The following MGAT5B variants were observed in gnomAD, a reference collection of about 807,000 sequenced individuals.
The protein encoded by MGAT5B is N-acetylglucosaminyl-transferase Vb.
In MGAT5B, 54 loss-of-function variants were observed where a neutral mutation model predicts 95.1. The observed-to-expected ratio is 0.57, with a 90% confidence interval of 0.46 to 0.71. The LOEUF (loss-of-function observed/expected upper bound fraction) is 0.71, where lower values mean the gene tolerates loss of function less well. Among genes scored for constraint, MGAT5B ranks in the 30% least tolerant of loss-of-function variants. MGAT5B has a pLI of 0.00. For synonymous variants in MGAT5B, 464 were observed against 451.0 expected, an observed-to-expected ratio of 1.03 and a Z score of -0.36; for missense variants, 935 against 1,088.6, an observed-to-expected ratio of 0.86 and a Z score of 1.99.
At chr17:76,904,542 C>G in intron 6 of MGAT5B, 120 bp downstream of exon 6, 14 of 1,181,716 alleles carry the variant, frequency 1.2e-5, no homozygotes, top group South Asian at 3.2e-5. Context: ...GGTGTGTGGG[C>G]AGGTCCGAGC....
chr17:76,884,256 GAGA>G (rs1302166126), intron 3 of MGAT5B, among the ~76,000 whole-genome samples: 1 of 152,208 alleles, frequency 6.6e-6, no homozygotes, highest in Admixed American at 6.5e-5. Flanking sequence ...CTGAGGCACA[GAGA>G]AGTTCAGAAA....
intron 3 of MGAT5B, among the ~76,000 whole-genome samples, chr17:76,890,961 C>CTTTT (rs150133278): frequency 9.0e-6 from 1 of 111,646 alleles, no homozygotes; most frequent in Non-Finnish European, 1.7e-5. Flanking sequence ...CTCTGGGGGC[C>CTTTT]TTTTTTTTTT....
In MGAT5B at chr17:76,926,685, T is replaced by A; in HGVS notation, c.1246T>A (p.Trp416Arg). Residue 416 changes from tryptophan to arginine, a missense_variant, in exon 10 of 18, where the codon TGG (tryptophan) becomes AGG (arginine). By Grantham distance (101) the Trp-to-Arg change is moderately radical (BLOSUM62 -3). Around this residue, in one of 4 missense-constraint regions of MGAT5B, gnomAD observed 440 missense variants for 523.6 expected, o/e 0.84. Transcript: ENST00000569840. ...CACGCTGCACGGCTACCGGACCAAC[T>A]GGGGCTACTGGAACCTCAACCCCAA... Reference protein sequence around the residue: ...YATLHGYRTNWGYWNLNPKQF... With the variant: ...YATLHGYRTNRGYWNLNPKQF... 6.2e-7 allele frequency: 1 copy of A among 1,612,732 alleles called. No individual in the cohort carries two copies. The highest frequency in any genetic ancestry group is 1.1e-5 in the South Asian group (1 of 91,080).
chr17:76,942,160 T>C (rs919819764), intron 15 of MGAT5B, among the ~76,000 whole-genome samples: 1 of 152,228 alleles, frequency 6.6e-6, no homozygotes, highest in Non-Finnish European at 1.5e-5. Context: ...AAAAGCTCCC[T>C]TGCTAGCTCT....
At position 76,887,453 on chromosome 17, in the gene MGAT5B, TCCTC is replaced by T. The variant is rs1229971366; in HGVS notation, c.329+5171_329+5174del. On this transcript the variant is annotated intron_variant, in intron 3 of 17. Coordinates refer to ENST00000569840, the MANE Select transcript of MGAT5B (RefSeq NM_001199172.2). ...TCTTTCCCTCCCTCCCTCCCTTCCT[TCCTC>T]CCTCCCTCCCTCCCTTCCTCCCTCC... 2.0e-4 allele frequency among the ~76,000 whole-genome samples: 9 copies of T among 44,588 alleles called. No individual in the cohort carries two copies. The East Asian group carries it at 3.4e-3, about 17-fold the overall frequency. 29.3% of individuals were successfully genotyped at this position (44,588 alleles called of 152,430 possible).
intron 8 of MGAT5B, among the ~76,000 whole-genome samples, chr17:76,920,562 T>G (rs952799463): frequency 2.0e-5 from 3 of 152,178 alleles, no homozygotes; most frequent in Non-Finnish European, 4.4e-5. Flanking sequence ...GAGGCTCAGA[T>G]TTCTTCTGAT....
rs1967778608 is a variant in MGAT5B at position 76,889,170 on chromosome 17, T to C, written c.329+6872T>C. Among the ~76,000 whole-genome samples the C allele has an allele frequency of 6.6e-6, 1 of 152,218 alleles. No individual in the cohort carries two copies. The highest frequency in any genetic ancestry group is 6.5e-5 in the Admixed American group (1 of 15,282). The stretch of plus-strand genomic sequence containing the variant: ...CTGTTTTGCAGATGCAGTGAGAAGA[T>C]GCAGGGCTGGCGCAGGGGCAGTGTC... On this transcript the variant is annotated intron_variant, in intron 3 of 17. Coordinates refer to ENST00000569840, the MANE Select transcript of MGAT5B (RefSeq NM_001199172.2). The surrounding 1 kb of genome is among the most constrained non-coding windows in gnomAD (Gnocchi z 4.4).
Position 76,949,056 on chromosome 17 carries a change from C to T in MGAT5B, c.*218C>T, listed in dbSNP as rs1411352420. The T allele has an allele frequency of 1.6e-6, 1 of 606,640 alleles. No homozygotes were observed. Among genetic ancestry groups the T allele is most frequent in the Non-Finnish European group, 2.8e-6 (1 of 352,450 alleles). The allele number at this position is 606,640 out of a possible 1,614,324, so 37.6% of individuals were successfully genotyped here. A position where few individuals can be genotyped will look rare whatever the true frequency, so the allele number is the denominator to read the frequency against. On this transcript the variant is annotated 3_prime_UTR_variant, in exon 18 of 18. Transcript: ENST00000569840. ...GGGACCTCCCAGGCAGGCTCCGGTT[C>T]TCTCCTGGGGACTCACAGAAGCATC...
chr17:76,903,400 G>T, intron 5 of MGAT5B, 24 bp downstream of exon 5: 1 of 1,596,262 alleles, frequency 6.3e-7, no homozygotes, highest in Non-Finnish European at 8.6e-7. Context: ...CTGAGGGGTG[G>T]GGATGTCTAC....
intron 12 of MGAT5B, among the ~76,000 whole-genome samples, chr17:76,933,499 C>T (rs1317367125): frequency 1.3e-5 from 2 of 152,142 alleles, no homozygotes; most frequent in Non-Finnish European, 2.9e-5. Context: ...TCCTCTGTCA[C>T]AGGGAGGCAA....
Position 76,918,068 on chromosome 17 carries a change from G to GCC in MGAT5B, c.1026-6898_1026-6897insCC, listed in dbSNP as rs1968998919. Among the ~76,000 whole-genome samples the GCC allele has an allele frequency of 1.3e-5, 2 of 152,180 alleles. No homozygotes were observed. Among genetic ancestry groups the GCC allele is most frequent in the Non-Finnish European group, 2.9e-5 (2 of 68,034 alleles). On this transcript the variant is annotated intron_variant, in intron 8 of 17. Transcript: ENST00000569840. This position sits in a 1 kb window ranked among gnomAD's most constrained non-coding sequence, Gnocchi z 5.1. ...AGCATGGCCCTATTCTTAGCACTGA[G>GCC]TTTGCTTGCTAGGAAAGAACGCTGG...
rs1343177630 is a variant in MGAT5B at position 76,912,824 on chromosome 17, A to T, written c.1025+6637A>T. Among the ~76,000 whole-genome samples, 2 of 152,190 alleles carry T rather than the reference A, an allele frequency of 1.3e-5. No homozygotes were observed. The highest frequency in any genetic ancestry group is 4.8e-5 in the African/African-American group (2 of 41,438). ...CGCCCCGCCGTGTGCGGAGGGAAGA[A>T]GCCAAACCCTAGTGCCTGCCCAGCC... On this transcript the variant is annotated intron_variant, in intron 8 of 17. Transcript: ENST00000569840. The surrounding 1 kb of genome is among the most constrained non-coding windows in gnomAD (Gnocchi z 5.0).
At chr17:76,923,090 G>A (rs545698494) in intron 8 of MGAT5B, among the ~76,000 whole-genome samples, 6 of 152,142 alleles carry the variant, frequency 3.9e-5, no homozygotes, top group East Asian at 1.9e-4. Flanking sequence ...AAACATCATC[G>A]ACACGGCACC....
chr17:76,868,823 G>A lies in MGAT5B; in HGVS notation c.-207G>A, dbSNP rs996655981. The A allele has an allele frequency of 5.6e-4, 178 of 319,900 alleles. No homozygotes were observed. The highest frequency in any genetic ancestry group is 3.6e-3 in the African/African-American group (163 of 45,684). 19.8% of individuals were successfully genotyped at this position (319,900 alleles called of 1,614,324 possible). A position where few individuals can be genotyped will look rare whatever the true frequency, so the allele number is the denominator to read the frequency against. On this transcript the variant is annotated 5_prime_UTR_variant, in exon 1 of 18. Transcript: ENST00000569840. The surrounding 1 kb of genome is among the most constrained non-coding windows in gnomAD (Gnocchi z 6.3). ...GGAGACGCAGAGACGGCCCGGCCGG[G>A]CGCCCTCGCCGCCCTCCGGCAGCCG...
In MGAT5B at chr17:76,949,893, C is replaced by G. The variant is rs969218945; in HGVS notation, c.*1055C>G. ...CCCTGTCCACTTACCCTAGGTAGCC[C>G]CCCACCCCATCAGTGCCGAGTCCTT... On this transcript the variant is annotated 3_prime_UTR_variant, in exon 18 of 18. Transcript: ENST00000569840. The G allele has an allele frequency of 1.3e-5, 2 of 150,256 alleles. No homozygotes were observed. The highest frequency in any genetic ancestry group is 4.9e-5 in the African/African-American group (2 of 41,036). 9.3% of individuals were successfully genotyped at this position (150,256 alleles called of 1,614,324 possible). A position where few individuals can be genotyped will look rare whatever the true frequency, so the allele number is the denominator to read the frequency against.
At chr17:76,932,982 C>G (rs1001474175) in intron 11 of MGAT5B, among the ~76,000 whole-genome samples, 42 of 152,244 alleles carry the variant, frequency 2.8e-4, no homozygotes, top group African/African-American at 9.9e-4. Context: ...GCTTGTCTCC[C>G]GGACTCTCGT....
chr17:76,895,041 G>A (rs1476105004), intron 3 of MGAT5B, among the ~76,000 whole-genome samples: 3 of 152,146 alleles, frequency 2.0e-5, no homozygotes, highest in Non-Finnish European at 4.4e-5. Flanking sequence ...CGGCAGGCAA[G>A]CAAGTGAGGC....
chr17:76,938,138 GC>G lies in MGAT5B; in HGVS notation c.1581del (p.Lys528AsnfsTer86). The part of the protein sequence containing the change: ...QPEFQQLLRK[A>X]KLFIGFGFPY... ...TGAGTTTCAGCAGCTGCTGCGCAAG[GC>G]CAAAGTGAGCTCCCATCCCCCGCAC... On this transcript the variant is annotated frameshift_variant, in exon 13 of 18. Coordinates refer to ENST00000569840, the MANE Select transcript of MGAT5B (RefSeq NM_001199172.2). LOFTEE classifies it high-confidence loss of function. This position sits in a 1 kb window ranked among gnomAD's most constrained non-coding sequence, Gnocchi z 4.3. 6.2e-7 allele frequency: 1 copy of G among 1,613,898 alleles called. No individual in the cohort carries two copies. Among genetic ancestry groups the G allele is most frequent in the Non-Finnish European group, 8.5e-7 (1 of 1,179,912 alleles).
chr17:76,946,414 G>T lies in MGAT5B; in HGVS notation c.1887G>T (p.Gly629=). The T allele has an allele frequency of 6.2e-7, 1 of 1,606,150 alleles. No homozygotes were observed. Among genetic ancestry groups the T allele is most frequent in the Non-Finnish European group, 8.5e-7 (1 of 1,175,932 alleles). The part of the protein sequence containing the change: ...PYLPYEYTCE[G]MLERIHAYIQ... ...TACCCTACGAGTACACCTGCGAGGG[G>T]ATGCTGGAGCGGATCCACGCCTACA... Residue 629 remains glycine, a synonymous_variant, in exon 16 of 18, where the codon GGG becomes GGT. Transcript: ENST00000569840.
Sources: gnomAD v4.1 joint callset for allele counts (sites outside exome capture counted in the v4.1 genomes callset) on GRCh38, gnomAD v4.1.1 for gene constraint, gnomAD v4.1.1 regional missense constraint, Gnocchi (gnomAD v3.1) non-coding constraint, MANE v1.5 for transcripts, NCBI Gene and HGNC (gene_info 2026-07-23, HGNC 2026-07-21) for gene names.